Variants in RYR3 observed in about 807,000 individuals in gnomAD.
RYR3 encodes ryanodine receptor 3.
A neutral mutation model predicts 584.3 loss-of-function variants in RYR3; 207 were observed. The observed-to-expected ratio is 0.35, with a 90% CI of 0.32 to 0.40. The LOEUF is 0.40. Among genes scored for constraint, RYR3 ranks in the 10% least tolerant of loss-of-function variants. The pLI, the probability that RYR3 is intolerant of heterozygous loss-of-function variation, is 1.00. For synonymous variants in RYR3, 2,416 were observed against 2,248.5 expected (o/e 1.07, Z -2.11); for missense variants, 5,616 against 6,089.2 (o/e 0.92, Z 2.59).
At chr15:33,610,998 C>T (rs2152565375) in intron 18 of RYR3, among the ~76,000 whole-genome samples, 1 of 152,236 alleles carries the variant, frequency 6.6e-6, no homozygotes, top group South Asian at 2.1e-4. Context: ...GATGCTCAAC[C>T]TGAACTAGAC....
At chr15:33,672,551 C>T (rs1279710861) in intron 38 of RYR3, among the ~76,000 whole-genome samples, 1 of 152,188 alleles carries the variant, frequency 6.6e-6, no homozygotes, top group Non-Finnish European at 1.5e-5. Flanking sequence ...GATGAATCCC[C>T]TCACTCAAGC....
chr15:33,752,614 C>G (rs1341267411), intron 57 of RYR3, among the ~76,000 whole-genome samples: 1 of 152,160 alleles, frequency 6.6e-6, no homozygotes, highest in African/African-American at 2.4e-5. Context: ...TGATTATCAA[C>G]TTAAGGAGAT....
At chr15:33,325,038 T>C (rs1374857209) in intron 1 of RYR3, among the ~76,000 whole-genome samples, 2 of 152,220 alleles carry the variant, frequency 1.3e-5, no homozygotes, top group African/African-American at 2.4e-5. Context: ...AAAATAGATA[T>C]AGGACAATTC....
At chr15:33,596,170 A>T in intron 16 of RYR3, among the ~76,000 whole-genome samples, 1 of 151,240 alleles carries the variant, frequency 6.6e-6, no homozygotes, top group Non-Finnish European at 1.5e-5. Flanking sequence ...TTAAGTTTTG[A>T]ATTAGACAAA....
At chr15:33,805,715 G>A (rs2076166555) in intron 69 of RYR3, among the ~76,000 whole-genome samples, 1 of 151,576 alleles carries the variant, frequency 6.6e-6, no homozygotes, top group Non-Finnish European at 1.5e-5. Flanking sequence ...CTGACGTCAT[G>A]ATCCGCCCGC....
chr15:33,825,449 G>A, intron 81 of RYR3, 154 bp from the exon 82 acceptor site: 1 of 547,096 alleles, frequency 1.8e-6, no homozygotes, highest in Non-Finnish European at 3.3e-6. Flanking sequence ...ACAAAACCAA[G>A]GAATCATTAG....
At chr15:33,613,042 G>T in intron 18 of RYR3, 141 bp from the exon 19 acceptor site, 1 of 616,602 alleles carries the variant, frequency 1.6e-6, no homozygotes. Flanking sequence ...AAGGAAAGTT[G>T]CATTTCAAAT....
rs377237772 is a variant in RYR3 at position 33,838,494 on chromosome 15, G to A, written c.12514G>A (p.Val4172Met). The change falls in exon 89 of 104, where the codon GTG (valine) becomes ATG (methionine). Residue 4172 changes from valine (V) to methionine (M), a missense_variant. Transcript: ENST00000634891. ...GAACCTCAGGAAGCAGTACAGGAAC[G>A]TGAAAAAGATGACTGCGAAGGAGCT... ...LKNLRKQYRN[V>M]KKMTAKELVK... is the part of the protein sequence containing the mutation. The A allele has an allele frequency of 1.6e-5, 26 of 1,613,894 alleles. No homozygotes were observed. Among genetic ancestry groups the A allele is most frequent in the East Asian group, 6.7e-5 (3 of 44,902 alleles).
chr15:33,502,953 A>C (rs1281455637), intron 2 of RYR3, among the ~76,000 whole-genome samples: 2 of 152,244 alleles, frequency 1.3e-5, no homozygotes, highest in Non-Finnish European at 2.9e-5. Context: ...AATAAATATT[A>C]GCTACTGTTA....
intron 67 of RYR3, among the ~76,000 whole-genome samples, chr15:33,794,110 A>ATACATAAATAAAT (rs1488725993): frequency 1.9e-5 from 1 of 52,138 alleles, no homozygotes; most frequent in Non-Finnish European, 4.2e-5. Flanking sequence ...ATATAAATAT[A>ATACATAAATAAAT]ATATACATAA....
chr15:33,789,170 G>T (rs188712736), intron 67 of RYR3, among the ~76,000 whole-genome samples: 2 of 152,242 alleles, frequency 1.3e-5, no homozygotes, highest in African/African-American at 4.8e-5. Flanking sequence ...GCAGAGGGAG[G>T]GGTGGGGAAG....
In RYR3 at chr15:33,828,455, C is replaced by T. The variant is rs115788409; in HGVS notation, c.11334+1168C>T. On this transcript the variant is annotated intron_variant, in intron 85 of 103. Coordinates refer to ENST00000634891, the MANE Select transcript of RYR3 (RefSeq NM_001036.6). The stretch of plus-strand genomic sequence containing the variant: ...CAAAGGCTAGGCCCCTTGCACTAAA[C>T]AGCCAAGCTATGCAAAGAAAAAGTT... Among the ~76,000 whole-genome samples, 703 of 152,326 alleles carry T rather than the reference C, an allele frequency of 4.6e-3. 4 individuals carry two copies. The highest frequency in any genetic ancestry group is 0.016 in the African/African-American group (669 of 41,580).
chr15:33,455,235 ATGATG>A (rs1199546170), intron 1 of RYR3, among the ~76,000 whole-genome samples: 9 of 152,198 alleles, frequency 5.9e-5, no homozygotes, highest in African/African-American at 2.2e-4. Context: ...AGGAACAATT[ATGATG>A]TGAGTTTTGG....
intron 8 of RYR3, among the ~76,000 whole-genome samples, chr15:33,546,782 C>G (rs139618255): frequency 6.6e-6 from 1 of 152,066 alleles, no homozygotes; most frequent in Non-Finnish European, 1.5e-5. Flanking sequence ...TTTGAATCGA[C>G]TCATAATTAT....
intron 19 of RYR3, among the ~76,000 whole-genome samples, chr15:33,618,537 T>C (rs1368856662): frequency 6.6e-6 from 1 of 152,228 alleles, no homozygotes; most frequent in African/African-American, 2.4e-5. Flanking sequence ...ACTCAGATTG[T>C]TCTCCAGTCT....
chr15:33,701,052 T>A lies in RYR3; in HGVS notation c.6455T>A (p.Leu2152Gln). Residue 2152 changes from leucine to glutamine, a missense_variant, in exon 42 of 104, where the codon CTG becomes CAG. Physicochemically the swap from Leu to Gln is moderately radical, Grantham distance 113. Transcript: ENST00000634891. ...SSVMDNNELALSLEEPDLEKV... is the reference protein window; with the variant it reads ...SSVMDNNELAQSLEEPDLEKV... ...GTGATGGACAACAATGAGTTAGCGC[T>A]GAGCTTAGAGGAACCAGACCTCGAG... 1 of 1,613,188 alleles carries A rather than the reference T, an allele frequency of 6.2e-7. No individual in the cohort carries two copies. Among genetic ancestry groups the A allele is most frequent in the Non-Finnish European group, 8.5e-7 (1 of 1,179,578 alleles).
At chr15:33,779,711 A>G (rs1442566894) in intron 64 of RYR3, among the ~76,000 whole-genome samples, 2 of 152,196 alleles carry the variant, frequency 1.3e-5, no homozygotes, top group Non-Finnish European at 2.9e-5. Context: ...CCAGTTAAGA[A>G]CTAGGATCTG....
chr15:33,335,500 G>T (rs115950329), intron 1 of RYR3, among the ~76,000 whole-genome samples: 7 of 152,096 alleles, frequency 4.6e-5, no homozygotes, highest in Non-Finnish European at 7.4e-5. Flanking sequence ...GACACATAGA[G>T]GGGAACAGCA....
chr15:33,842,634 T>A (rs2078444243), intron 91 of RYR3, among the ~76,000 whole-genome samples: 1 of 151,992 alleles, frequency 6.6e-6, no homozygotes, highest in Non-Finnish European at 1.5e-5. Context: ...TGGATGCTGA[T>A]TTTTCTGGGG....
Sources: allele counts gnomAD v4.1 joint callset (sites outside exome capture counted in the v4.1 genomes callset), GRCh38; gene constraint gnomAD v4.1.1; transcripts MANE v1.5; gene names NCBI Gene and HGNC (gene_info 2026-07-23, HGNC 2026-07-21).